REEP5: variants seen among roughly 807,000 people sequenced by gnomAD.
REEP5 encodes the protein receptor expression-enhancing protein 5.
In REEP5, 24 loss-of-function variants were observed where a neutral mutation model predicts 22.4. That is an observed-to-expected ratio of 1.07 (90% CI 0.78 to 1.51). REEP5 has a LOEUF of 1.51. Among genes scored for constraint, REEP5 ranks in the 40% most tolerant of loss-of-function variants. The probability of loss-of-function intolerance (pLI) is 0.00; values close to 1 mark genes in which losing one functional copy is unlikely to be tolerated. For missense variants in REEP5, 252 were observed against 233.0 expected (o/e 1.08, Z -0.53); for synonymous variants, 103 against 88.6 (o/e 1.16, Z -0.92).
At chr5:112,887,368 G>C (rs1447366647) in intron 3 of REEP5, among the ~76,000 whole-genome samples, 185 bp from the exon 4 acceptor site, 1 of 152,136 alleles carries the variant, frequency 6.6e-6, no homozygotes, top group African/African-American at 2.4e-5. Context: ...GATGAGTAAT[G>C]AGCTGGTAAG....
Position 112,891,772 on chromosome 5 carries a change from G to A in REEP5, c.352-4589C>T, listed in dbSNP as rs775939704. On this transcript the variant is annotated intron_variant, in intron 3 of 4. Transcript: ENST00000379638. ...TCGGCAGGAACTTGCTCGACTGAGA[G>A]ACTCAGGACTCTCACAGGAGGAGGA... 1.7e-5 allele frequency: 27 copies of A among 1,613,710 alleles called. No homozygotes were observed. In the East Asian group the frequency reaches 5.3e-4, roughly 32 times the overall value.
chr5:112,900,663 T>C (rs1454314238), intron 3 of REEP5, among the ~76,000 whole-genome samples: 1 of 152,042 alleles, frequency 6.6e-6, no homozygotes, highest in Non-Finnish European at 1.5e-5. Context: ...TGGTTAACTA[T>C]GGTTCCTGTG....
rs1769354580 is a variant in REEP5 at position 112,921,226 on chromosome 5, A to C, written c.149T>G (p.Val50Gly). The change falls in exon 2 of 5, where the codon GTG (valine) becomes GGG (glycine). Residue 50 changes from valine to glycine, a missense_variant. Coordinates refer to ENST00000379638, the MANE Select transcript of REEP5 (RefSeq NM_005669.5). ...GAGGAGAGAGGCTCCATAACCGAAC[A>C]CCAGGTACAAGGCCACCAGTCCGAT... The part of the protein sequence containing the change: ...GVIGLVALYL[V>G]FGYGASLLCN... 1 of 1,614,160 alleles carries C rather than the reference A, an allele frequency of 6.2e-7. No individual in the cohort carries two copies. The highest frequency in any genetic ancestry group is 8.5e-7 in the Non-Finnish European group (1 of 1,180,014).
chr5:112,921,451 A>C (rs914193213), intron 1 of REEP5, 195 bp from the exon 2 acceptor site: 6 of 611,542 alleles, frequency 9.8e-6, no homozygotes, highest in Non-Finnish European at 1.8e-5. Flanking sequence ...TGGGGATACC[A>C]GGCAGCCCCA....
At chr5:112,887,764 T>C (rs1007803487) in intron 3 of REEP5, among the ~76,000 whole-genome samples, 1 of 152,216 alleles carries the variant, frequency 6.6e-6, no homozygotes, top group Non-Finnish European at 1.5e-5. Context: ...CCTAACTCCT[T>C]CTTTACAGCT....
In REEP5 at chr5:112,902,395, G is replaced by A; in HGVS notation, c.336C>T (p.Phe112=). The stretch of plus-strand genomic sequence containing the variant: ...ACCAACATACCTTCAGCATGTAGTA[G>A]AAGGGGAACCATGACAGGAAGATAT... The part of the protein sequence containing the change: ...FSDIFLSWFP[F]YYMLKCGFLL... The change falls in exon 3 of 5, where the codon TTC becomes TTT. Residue 112 remains phenylalanine (F), a synonymous_variant. Coordinates refer to ENST00000379638, the MANE Select transcript of REEP5 (RefSeq NM_005669.5). 3 of 1,612,626 alleles carry A rather than the reference G, an allele frequency of 1.9e-6. No individual in the cohort carries two copies. The highest frequency in any genetic ancestry group is 2.5e-6 in the Non-Finnish European group (3 of 1,179,472).
chr5:112,892,911 T>C (rs1237058721), intron 3 of REEP5: 2 of 1,607,580 alleles, frequency 1.2e-6, no homozygotes, highest in Non-Finnish European at 1.7e-6. Context: ...AGAGGCACAA[T>C]TCACCAAGCA....
intron 4 of REEP5, among the ~76,000 whole-genome samples, chr5:112,884,781 C>G (rs893072818): frequency 2.0e-5 from 1 of 50,376 alleles, no homozygotes; most frequent in Non-Finnish European, 3.3e-5. Context: ...AGTCCTTGGC[C>G]CCCCCCCATC....
intron 4 of REEP5, chr5:112,885,142 C>A (rs540763551): frequency 1.8e-5 from 3 of 166,942 alleles, no homozygotes; most frequent in African/African-American, 7.2e-5. Flanking sequence ...ACAGCCTTGG[C>A]CAGCTAGGCC....
chr5:112,901,749 CAGA>C (rs1345566754), intron 3 of REEP5, among the ~76,000 whole-genome samples: 4 of 150,470 alleles, frequency 2.7e-5, no homozygotes, highest in East Asian at 3.9e-4. Flanking sequence ...AGAAATCTCC[CAGA>C]AGAAGTACAA....
intron 2 of REEP5, among the ~76,000 whole-genome samples, chr5:112,909,401 T>G (rs1769040262): frequency 6.6e-6 from 1 of 151,828 alleles, no homozygotes; most frequent in South Asian, 2.1e-4. Flanking sequence ...AAGAGAGAGA[T>G]AAGAAGACTC....
chr5:112,903,823 A>C (rs1053397176), intron 2 of REEP5, among the ~76,000 whole-genome samples: 2 of 152,334 alleles, frequency 1.3e-5, no homozygotes, highest in Middle Eastern at 3.4e-3. Context: ...TGTTGCTTTG[A>C]ACTTCAAGAC....
intron 2 of REEP5, among the ~76,000 whole-genome samples, chr5:112,917,767 G>T (rs1413695389): frequency 2.6e-5 from 4 of 152,166 alleles, no homozygotes; most frequent in African/African-American, 7.2e-5. Flanking sequence ...GCCATATATT[G>T]TATGATTCCG....
chr5:112,899,293 C>T (rs75441772), intron 3 of REEP5, among the ~76,000 whole-genome samples: 9,968 of 149,444 alleles, frequency 0.067, 397 homozygotes, highest in South Asian at 0.14. Context: ...ATGCTGTGAT[C>T]TGGGAGCCTG....
At chr5:112,903,000 A>G (rs1270873547) in intron 2 of REEP5, among the ~76,000 whole-genome samples, 1 of 152,240 alleles carries the variant, frequency 6.6e-6, no homozygotes, top group African/African-American at 2.4e-5. Flanking sequence ...CAAAATCCAC[A>G]GCATATTTTA....
intron 2 of REEP5, among the ~76,000 whole-genome samples, chr5:112,912,012 AT>A (rs1934339106): frequency 6.6e-6 from 1 of 152,210 alleles, no homozygotes; most frequent in African/African-American, 2.4e-5. Context: ...TATGACTATG[AT>A]TAAGTCAATT....
At chr5:112,913,952 G>C (rs1008653903) in intron 2 of REEP5, among the ~76,000 whole-genome samples, 2 of 151,752 alleles carry the variant, frequency 1.3e-5, no homozygotes, top group African/African-American at 4.8e-5. Flanking sequence ...CCAGGAGTTT[G>C]AGACCAGCCT....
intron 3 of REEP5, among the ~76,000 whole-genome samples, chr5:112,889,930 G>A (rs1434534346): frequency 2.7e-5 from 4 of 149,654 alleles, no homozygotes; most frequent in Non-Finnish European, 5.9e-5. Context: ...GGATTCAAGC[G>A]ATTCTCCTGT....
intron 2 of REEP5, among the ~76,000 whole-genome samples, chr5:112,916,683 G>A (rs1769239954): frequency 6.6e-6 from 1 of 152,122 alleles, no homozygotes; most frequent in Non-Finnish European, 1.5e-5. Context: ...TGTTGTGTTT[G>A]TGGGACATTC....
Sources: allele counts gnomAD v4.1 joint callset (sites outside exome capture counted in the v4.1 genomes callset), GRCh38; gene constraint gnomAD v4.1.1; transcripts MANE v1.5; gene names NCBI Gene and HGNC (gene_info 2026-07-23, HGNC 2026-07-21).